CCL15: variants seen among roughly 807,000 people sequenced by gnomAD.
The protein encoded by CCL15 is C-C motif chemokine ligand 15.
In CCL15, 8 loss-of-function variants were observed where a neutral mutation model predicts 10.6. That is an observed-to-expected ratio of 0.75 (90% CI 0.44 to 1.36). The LOEUF is 1.36. Among genes scored for constraint, CCL15 ranks in the 40% most tolerant of loss-of-function variants. The pLI is 0.00. For missense variants in CCL15, 128 were observed against 136.6 expected, an observed-to-expected ratio of 0.94 and a Z score of 0.32; for synonymous variants, 51 against 48.8, an observed-to-expected ratio of 1.04 and a Z score of -0.19.
At chr17:36,000,228 G>A (rs531735123) in intron 1 of CCL15, among the ~76,000 whole-genome samples, 5 of 151,410 alleles carry the variant, frequency 3.3e-5, no homozygotes, top group East Asian at 1.9e-4. Flanking sequence ...TTGGGAGGCC[G>A]AGGTGGGCGG....
chr17:35,997,684 T>C lies in CCL15; in HGVS notation c.*83A>G, dbSNP rs990407254. Reference sequence around the variant, plus strand: ...ACTTTCATTACCAGACACAACAATATATATATTTTTTAAGTATTTCAGACC... The same window carrying C: ...ACTTTCATTACCAGACACAACAATACATATATTTTTTAAGTATTTCAGACC... On this transcript the variant is annotated 3_prime_UTR_variant, in exon 4 of 4. Coordinates refer to ENST00000617897, the MANE Select transcript of CCL15 (RefSeq NM_032965.6). 1.5e-5 allele frequency: 12 copies of C among 785,256 alleles called. No individual in the cohort carries two copies. Among genetic ancestry groups the C allele is most frequent in the Non-Finnish European group, 2.6e-5 (12 of 455,682 alleles). 48.6% of individuals were successfully genotyped at this position (785,256 alleles called of 1,614,324 possible). A position where few individuals can be genotyped will look rare whatever the true frequency, so the allele number is the denominator to read the frequency against.
At position 35,998,354 on chromosome 17, in the gene CCL15, G is replaced by A; in HGVS notation, c.174C>T (p.Ile58=). ...TGAGTGAACACGGGATGCTTTGTGA[G>A]ATGTAGGAGGTGCAGCAGTCAGCAG... ...HFAADCCTSY[I]SQSIPCSLMK... is the part of the protein sequence containing the mutation. Residue 58 remains isoleucine (I), a synonymous_variant, in exon 3 of 4, where the codon ATC becomes ATT. Coordinates refer to ENST00000617897, the MANE Select transcript of CCL15 (RefSeq NM_032965.6). 1 of 1,614,172 alleles carries A rather than the reference G, an allele frequency of 6.2e-7. No individual in the cohort carries two copies. The highest frequency in any genetic ancestry group is 1.7e-5 in the Admixed American group (1 of 60,020).
At chr17:35,998,994 C>T in intron 1 of CCL15, 69 bp from the exon 2 acceptor site, 1 of 1,265,636 alleles carries the variant, frequency 7.9e-7, no homozygotes, top group Admixed American at 1.7e-5. Flanking sequence ...TCCACCCACC[C>T]CATTGCTCAT....
chr17:36,001,250 C>A (rs998921607), intron 1 of CCL15, among the ~76,000 whole-genome samples, 167 bp downstream of exon 1: 8 of 152,232 alleles, frequency 5.3e-5, no homozygotes, highest in Non-Finnish European at 1.0e-4. Context: ...TACCTTTCCC[C>A]GCCAGGGTCC....
rs147224462 is a variant in CCL15 at position 35,999,304 on chromosome 17, G to A, written c.77-379C>T. Among the ~76,000 whole-genome samples the A allele has an allele frequency of 8.3e-4, 126 of 152,132 alleles. No homozygotes were observed. In the East Asian group the frequency reaches 0.015, roughly 18 times the overall value. ...GAGAGGTTTTATCAGCGTTTATGGTGGCACAGTATCCCCTTAAGTGAAGTG... is the reference window on the plus strand; with the variant it reads ...GAGAGGTTTTATCAGCGTTTATGGTAGCACAGTATCCCCTTAAGTGAAGTG... On this transcript the variant is annotated intron_variant, in intron 1 of 3. Transcript: ENST00000617897.
chr17:35,998,125 T>C (rs1255465159), intron 3 of CCL15, among the ~76,000 whole-genome samples, 155 bp downstream of exon 3: 1 of 152,194 alleles, frequency 6.6e-6, no homozygotes, highest in East Asian at 1.9e-4. Flanking sequence ...GTCTCATCCC[T>C]GATGCCCTGC....
At chr17:35,998,233 G>T in intron 3 of CCL15, 47 bp downstream of exon 3, 1 of 1,294,956 alleles carries the variant, frequency 7.7e-7, no homozygotes, top group Non-Finnish European at 1.1e-6. Context: ...GCAAGATGCT[G>T]TGGGCTGCTT....
At chr17:36,001,214 GC>G (rs2089991488) in intron 1 of CCL15, among the ~76,000 whole-genome samples, 1 of 152,188 alleles carries the variant, frequency 6.6e-6, no homozygotes, top group South Asian at 2.1e-4. Context: ...GAAATAATTG[GC>G]CCCAAATGGG....
At position 36,001,428 on chromosome 17, in the gene CCL15, T is replaced by C. The variant is rs751066833; in HGVS notation, c.65A>G (p.Gln22Arg). Residue 22 changes from glutamine to arginine, a missense_variant, in exon 1 of 4, where the codon CAG becomes CGG. Physicochemically the swap from Gln to Arg is conservative, Grantham distance 43 (BLOSUM62 1). Transcript: ENST00000617897. The stretch of plus-strand genomic sequence containing the variant: ...CTCACTGGACTCACCATTTGTGAAC[T>C]GGGCCTGGGATCCAAGGACAGCAAC... ...MLVAVLGSQA[Q>R]FTNDAETELM... 1.2e-6 allele frequency: 2 copies of C among 1,614,136 alleles called. No homozygotes were observed. The highest frequency in any genetic ancestry group is 1.7e-6 in the Non-Finnish European group (2 of 1,179,996).
At position 35,998,363 on chromosome 17, in the gene CCL15, G is replaced by A. The variant is rs1272052657; in HGVS notation, c.165C>T (p.Thr55=). The change falls in exon 3 of 4, where the codon ACC becomes ACT. Residue 55 remains threonine (T), a synonymous_variant. Transcript: ENST00000617897. The stretch of plus-strand genomic sequence containing the variant: ...ACGGGATGCTTTGTGAGATGTAGGA[G>A]GTGCAGCAGTCAGCAGCAAAGTGAA... ...NSFHFAADCC[T]SYISQSIPCS... 2 of 1,614,032 alleles carry A rather than the reference G, an allele frequency of 1.2e-6. No individual in the cohort carries two copies. Among genetic ancestry groups the A allele is most frequent in the South Asian group, 2.2e-5 (2 of 91,074 alleles).
intron 1 of CCL15, among the ~76,000 whole-genome samples, chr17:35,999,995 CA>C (rs746453647): frequency 2.7e-5 from 4 of 150,110 alleles, no homozygotes; most frequent in Non-Finnish European, 4.4e-5. Flanking sequence ...ACTAAAAATA[CA>C]AAAAATTAGC....
At chr17:35,998,968 AG>A (rs1459735077) in intron 1 of CCL15, 43 bp from the exon 2 acceptor site, 1 of 1,538,984 alleles carries the variant, frequency 6.5e-7, no homozygotes, top group Non-Finnish European at 9.0e-7. Context: ...GGGTGGCAGC[AG>A]TATGTTTCAA....
chr17:35,998,417 A>C, intron 2 of CCL15, 26 bp from the exon 3 acceptor site: 1 of 1,511,510 alleles, frequency 6.6e-7, no homozygotes, highest in South Asian at 1.1e-5. Flanking sequence ...GCGTCATCTG[A>C]GGGCAAATCT....
intron 1 of CCL15, among the ~76,000 whole-genome samples, chr17:36,000,884 T>G (rs854624): frequency 0.22 from 33,945 of 151,980 alleles, 6,530 homozygotes; most frequent in African/African-American, 0.52. Flanking sequence ...GCCCCGTGTG[T>G]CACGGTGTAC....
At position 35,998,312 on chromosome 17, in the gene CCL15, T is replaced by C; in HGVS notation, c.216A>G (p.Glu72=). The C allele has an allele frequency of 6.2e-7, 1 of 1,614,070 alleles. No individual in the cohort carries two copies. The highest frequency in any genetic ancestry group is 8.5e-7 in the Non-Finnish European group (1 of 1,179,946). The change falls in exon 3 of 4, where the codon GAA becomes GAG. Residue 72 remains glutamate, a synonymous_variant. Transcript: ENST00000617897. The part of the protein sequence containing the change: ...IPCSLMKSYF[E]TSSECSKPGV... ...CTGGCTTGGAGCACTCGCTGCTCGT[T>C]TCAAAATAACTTTTCATGAGTGAAC... is the stretch of plus-strand genomic sequence containing the variant.
intron 3 of CCL15, 149 bp downstream of exon 3, chr17:35,998,131 C>G: frequency 1.6e-6 from 1 of 637,194 alleles, no homozygotes; most frequent in Non-Finnish European, 2.8e-6. Flanking sequence ...TCCCTGATGC[C>G]CTGCAGAATC....
intron 1 of CCL15, among the ~76,000 whole-genome samples, chr17:36,000,285 A>C (rs1285517337): frequency 1.3e-5 from 2 of 151,976 alleles, no homozygotes; most frequent in African/African-American, 4.8e-5. Context: ...AACATGGTGA[A>C]ACCCCGCCTC....
intron 2 of CCL15, among the ~76,000 whole-genome samples, chr17:35,998,626 G>A (rs938437775): frequency 2.0e-5 from 3 of 152,262 alleles, no homozygotes; most frequent in African/African-American, 7.2e-5. Context: ...GCAGACACCT[G>A]CAGGCATCAG....
intron 1 of CCL15, among the ~76,000 whole-genome samples, chr17:35,999,393 T>C (rs2089961856): frequency 6.6e-6 from 1 of 151,982 alleles, no homozygotes; most frequent in South Asian, 2.1e-4. Context: ...TACAGAAAAA[T>C]TGCTGTGTTT....
Sources: allele counts gnomAD v4.1 joint callset (sites outside exome capture counted in the v4.1 genomes callset), GRCh38; gene constraint gnomAD v4.1.1; transcripts MANE v1.5; gene names NCBI Gene and HGNC (gene_info 2026-07-23, HGNC 2026-07-21).